The following PPWD1 variants were observed in gnomAD, a reference collection of about 807,000 sequenced individuals.
PPWD1 encodes peptidylprolyl isomerase domain and WD repeat-containing protein 1.
Under a neutral mutation model 68.8 loss-of-function variants are expected in PPWD1, and 43 were observed. That is an observed-to-expected ratio of 0.62 (90% CI 0.49 to 0.81). PPWD1 has a LOEUF of 0.81. Among genes scored for constraint, PPWD1 ranks in the 30% least tolerant of loss-of-function variants. PPWD1 has a pLI of 0.00. For missense variants in PPWD1, 672 were observed against 804.8 expected (o/e 0.83, Z 2.00); for synonymous variants, 232 against 258.7 (o/e 0.90, Z 0.99).
intron 2 of PPWD1, 36 bp downstream of exon 2, chr5:65,567,651 T>G: frequency 6.8e-7 from 1 of 1,477,482 alleles, no homozygotes; most frequent in Non-Finnish European, 9.0e-7. Flanking sequence ...TTGTTCTGAG[T>G]TTATTTAAAA....
chr5:65,587,000 T>A (rs1753878890), intron 10 of PPWD1, among the ~76,000 whole-genome samples: 1 of 152,190 alleles, frequency 6.6e-6, no homozygotes, highest in South Asian at 2.1e-4. Context: ...TTAGGGAAGA[T>A]CTTCCAGTTC....
chr5:65,575,793 A>G (rs1356061567), intron 5 of PPWD1, among the ~76,000 whole-genome samples: 1 of 152,276 alleles, frequency 6.6e-6, no homozygotes, highest in Non-Finnish European at 1.5e-5. Flanking sequence ...AGTCATGTCT[A>G]CTAAATAACA....
chr5:65,566,616 T>G (rs1331924357), intron 1 of PPWD1, among the ~76,000 whole-genome samples: 1 of 152,156 alleles, frequency 6.6e-6, no homozygotes, highest in Non-Finnish European at 1.5e-5. Context: ...CAGCTCGTCA[T>G]GTTTAATTTA....
At chr5:65,563,696 T>C in intron 1 of PPWD1, 190 bp downstream of exon 1, 1 of 1,383,720 alleles carries the variant, frequency 7.2e-7, no homozygotes, top group Non-Finnish European at 9.9e-7. Flanking sequence ...GTACAACGTC[T>C]TTTTGATAAT....
intron 4 of PPWD1, 90 bp downstream of exon 4, chr5:65,570,088 A>G (rs1028375189): frequency 1.4e-5 from 18 of 1,263,582 alleles, no homozygotes; most frequent in Admixed American, 7.6e-5. Flanking sequence ...TCTAAATAGT[A>G]TATTACCATA....
In PPWD1 at chr5:65,576,974, T is replaced by C; in HGVS notation, c.1065T>C (p.Ala355=). Residue 355 remains alanine, a synonymous_variant, in exon 6 of 11, where the codon GCT becomes GCC. Transcript: ENST00000261308. ...AACGTGAGTTGGAGAAGGTTGATGC[T>C]GTAAGATTAATTAATATAGTTTTTG... is the stretch of plus-strand genomic sequence containing the variant. ...AVERELEKVD[A]VRLINIVFDE... 6.2e-7 allele frequency: 1 copy of C among 1,614,164 alleles called. No individual in the cohort carries two copies. Among genetic ancestry groups the C allele is most frequent in the Non-Finnish European group, 8.5e-7 (1 of 1,180,004 alleles).
intron 6 of PPWD1, 159 bp from the exon 7 acceptor site, chr5:65,579,265 T>C (rs1753485733): frequency 1.1e-5 from 13 of 1,184,336 alleles, no homozygotes; most frequent in Admixed American, 4.1e-5. Context: ...CCAGTTTAAA[T>C]TGATACCTTT....
chr5:65,578,736 A>ATG, intron 6 of PPWD1, among the ~76,000 whole-genome samples: 1 of 79,860 alleles, frequency 1.3e-5, no homozygotes, highest in Non-Finnish European at 2.7e-5. Context: ...ATATATATAC[A>ATG]TATATATATA....
Position 65,585,105 on chromosome 5 carries a change from A to G in PPWD1, c.1614+10A>G, listed in dbSNP as rs754822529. On this transcript the variant is annotated intron_variant, in intron 9 of 10. Coordinates refer to ENST00000261308, the MANE Select transcript of PPWD1 (RefSeq NM_015342.4). ...TCACCGTATAATTAAGGTAAGTTAC[A>G]TAAATTTCATGTCATATAAGAAATA... 5.6e-6 allele frequency: 9 copies of G among 1,593,512 alleles called. No homozygotes were observed. Among genetic ancestry groups the G allele is most frequent in the Non-Finnish European group, 7.7e-6 (9 of 1,162,538 alleles).
At chr5:65,571,458 C>A (rs1489632891) in intron 4 of PPWD1, among the ~76,000 whole-genome samples, 1 of 152,146 alleles carries the variant, frequency 6.6e-6, no homozygotes, top group Non-Finnish European at 1.5e-5. Flanking sequence ...TACACTATTA[C>A]ATGCTAATCT....
rs527564540 is a variant in PPWD1 at position 65,564,393 on chromosome 5, A to G, written c.196+887A>G. 2.3e-4 allele frequency among the ~76,000 whole-genome samples: 32 copies of G among 139,458 alleles called. No homozygotes were observed. The East Asian group carries it at 5.3e-3, about 23-fold the overall frequency. 91.5% of individuals were successfully genotyped at this position (139,458 alleles called of 152,430 possible). A position where few individuals can be genotyped will look rare whatever the true frequency, so the allele number is the denominator to read the frequency against. On this transcript the variant is annotated intron_variant, in intron 1 of 10. Transcript: ENST00000261308. The stretch of plus-strand genomic sequence containing the variant: ...AGGCTGGAGCGCATGCAGTGGCGCT[A>G]TCTCGGCTCACCGCAACCTCCGTCT...
At chr5:65,566,280 A>C (rs1000228751) in intron 1 of PPWD1, among the ~76,000 whole-genome samples, 3 of 152,236 alleles carry the variant, frequency 2.0e-5, no homozygotes, top group Non-Finnish European at 4.4e-5. Flanking sequence ...TGGAGGCTCC[A>C]GAAGTTCCTA....
intron 8 of PPWD1, among the ~76,000 whole-genome samples, chr5:65,584,337 T>A (rs909511989): frequency 6.6e-6 from 1 of 152,180 alleles, no homozygotes; most frequent in Non-Finnish European, 1.5e-5. Context: ...ATGAACCGTA[T>A]GAAATAATTG....
chr5:65,587,436 A>G lies in PPWD1; in HGVS notation c.*40A>G. On this transcript the variant is annotated 3_prime_UTR_variant, in exon 11 of 11. Transcript: ENST00000261308. ...TAATGTACTTGCAAATAAAAATACAATATTAAACAGATTATTTTACATTAG... is the reference window on the plus strand; with the variant it reads ...TAATGTACTTGCAAATAAAAATACAGTATTAAACAGATTATTTTACATTAG... 1.4e-6 allele frequency: 2 copies of G among 1,468,742 alleles called. No individual in the cohort carries two copies. Among genetic ancestry groups the G allele is most frequent in the Non-Finnish European group, 1.9e-6 (2 of 1,071,506 alleles). The allele number at this position is 1,468,742 out of a possible 1,614,324, so 91.0% of individuals were successfully genotyped here.
At chr5:65,567,307 T>C (rs1360805721) in intron 1 of PPWD1, 1 of 476,408 alleles carries the variant, frequency 2.1e-6, no homozygotes, top group African/African-American at 2.1e-5. Context: ...TGTAACTGAC[T>C]AAATAATGAC....
intron 5 of PPWD1, among the ~76,000 whole-genome samples, chr5:65,575,577 A>T (rs1753244011): frequency 6.6e-6 from 1 of 152,178 alleles, no homozygotes; most frequent in African/African-American, 2.4e-5. Context: ...AGTCTGGCTT[A>T]TTTTCATCTG....
intron 6 of PPWD1, among the ~76,000 whole-genome samples, chr5:65,578,036 T>G (rs1269215927): frequency 6.6e-6 from 1 of 152,264 alleles, no homozygotes; most frequent in Non-Finnish European, 1.5e-5. Context: ...GTTCAACCAC[T>G]GATCTTTTCA....
rs1753684791 is a variant in PPWD1 at position 65,583,371 on chromosome 5, A to G, written c.1532+152A>G. On this transcript the variant is annotated intron_variant, in intron 8 of 10. Coordinates refer to ENST00000261308, the MANE Select transcript of PPWD1 (RefSeq NM_015342.4). Reference sequence around the variant, plus strand: ...AAAACATCTATTCCTGAGCTTTCTGATAAGTGTTACGGTAGAAAATGGGAA... The same window carrying G: ...AAAACATCTATTCCTGAGCTTTCTGGTAAGTGTTACGGTAGAAAATGGGAA... The G allele has an allele frequency of 6.6e-6, 6 of 914,720 alleles. No homozygotes were observed. The East Asian group carries it at 1.2e-4, about 18-fold the overall frequency. 56.7% of individuals were successfully genotyped at this position (914,720 alleles called of 1,614,324 possible).
At chr5:65,572,846 C>G (rs1013759489) in intron 5 of PPWD1, among the ~76,000 whole-genome samples, 15 of 152,178 alleles carry the variant, frequency 9.9e-5, no homozygotes, top group African/African-American at 3.6e-4. Context: ...GCACAGCTGT[C>G]ACTAACCATA....
Sources: allele counts gnomAD v4.1 joint callset (sites outside exome capture counted in the v4.1 genomes callset), GRCh38; gene constraint gnomAD v4.1.1; transcripts MANE v1.5; gene names NCBI Gene and HGNC (gene_info 2026-07-23, HGNC 2026-07-21).